KLHL35: variants seen among roughly 807,000 people sequenced by gnomAD.
KLHL35 encodes kelch like family member 35, also known as kelch-like protein 35.
A neutral mutation model predicts 44.0 loss-of-function variants in KLHL35; 50 were observed. That is an observed-to-expected ratio of 1.14 (90% CI 0.91 to 1.44). The LOEUF is 1.44. Among genes scored for constraint, KLHL35 ranks in the 40% most tolerant of loss-of-function variants. KLHL35 has a pLI of 0.00. For missense variants in KLHL35, 1,049 were observed against 887.8 expected (o/e 1.18, Z -2.31); for synonymous variants, 470 against 410.4 (o/e 1.15, Z -1.76).
In KLHL35 at chr11:75,425,498, G is replaced by GGCC; in HGVS notation, c.1266_1268dup (p.Ala425dup). Reference sequence around the variant, plus strand: ...TCACGGCCTCCGGGAGGGGCGCGGCGGCCGCCCAGGTGTTGGAGAAGGGGT... The same window carrying GGCC: ...TCACGGCCTCCGGGAGGGGCGCGGCGGCCGCCGCCCAGGTGTTGGAGAAGGGGT... On this transcript the variant is annotated inframe_insertion, in exon 5 of 7. Coordinates refer to ENST00000539798, the MANE Select transcript of KLHL35 (RefSeq NM_001039548.3). The GGCC allele has an allele frequency of 2.6e-6, 4 of 1,561,120 alleles. No homozygotes were observed. The highest frequency in any genetic ancestry group is 3.4e-6 in the Non-Finnish European group (4 of 1,161,002).
Position 75,430,195 on chromosome 11 carries a change from AAAG to A in KLHL35, c.432_434del (p.Phe145del). 8.1e-7 allele frequency: 1 copy of A among 1,241,658 alleles called. No individual in the cohort carries two copies. Among genetic ancestry groups the A allele is most frequent in the African/African-American group, 1.6e-5 (1 of 62,508 alleles). The allele number at this position is 1,241,658 out of a possible 1,614,324, so 76.9% of individuals were successfully genotyped here. ...TGGCGGCGCGCAGGCGGCCCTCGAG[AAAG>A]CGCACGCAGGCCTCGCGCAGGCCCG... On this transcript the variant is annotated inframe_deletion, in exon 2 of 7. Transcript: ENST00000539798.
In KLHL35 at chr11:75,428,472, A is replaced by C; in HGVS notation, c.1036T>G (p.Cys346Gly). ...PGYTRSEFAA[C>G]ALRNDVYVSG... ...ACGTAGACGTCATTGCGGAGAGCAC[A>C]GGCGGCGAATTCTGAGCGAGTGTAG... Residue 346 changes from cysteine to glycine, a missense_variant, in exon 3 of 7, where the codon TGT becomes GGT. Transcript: ENST00000539798. The C allele has an allele frequency of 6.2e-7, 1 of 1,612,628 alleles. No homozygotes were observed. Among genetic ancestry groups the C allele is most frequent in the Non-Finnish European group, 8.5e-7 (1 of 1,179,876 alleles).
At chr11:75,422,846 T>G in intron 6 of KLHL35, 78 bp from the exon 7 acceptor site, 1 of 1,353,880 alleles carries the variant, frequency 7.4e-7, no homozygotes, top group Non-Finnish European at 1.0e-6. Context: ...GGCCAGATAA[T>G]AGAACCTTGA....
Position 75,430,494 on chromosome 11 carries a change from G to C in KLHL35, c.136C>G (p.Arg46Gly). The C allele has an allele frequency of 7.0e-7, 1 of 1,419,500 alleles. No individual in the cohort carries two copies. The highest frequency in any genetic ancestry group is 9.2e-7 in the Non-Finnish European group (1 of 1,090,428). 87.9% of individuals were successfully genotyped at this position (1,419,500 alleles called of 1,614,324 possible). The change falls in exon 2 of 7, where the codon CGC becomes GGC. Residue 46 changes from arginine (R) to glycine (G), a missense_variant. Arg to Gly is a moderately radical substitution (Grantham distance 125, BLOSUM62 -2). Transcript: ENST00000539798. ...RSGTLTDVVL[R>G]AGGRDFPCHR... ...CACGGAAAGTCGCGCCCGCCGGCGC[G>C]CAGCACCACGTCGGTGAGGGTGCCG...
chr11:75,424,994 C>T (rs1278434928), intron 5 of KLHL35: 2 of 180,050 alleles, frequency 1.1e-5, no homozygotes, highest in Non-Finnish European at 2.3e-5. Flanking sequence ...TGTAAGGCAA[C>T]ACACCAAAAT....
rs916409945 is a variant in KLHL35, at chr11:75,426,789, T to C, written c.1067-151A>G. Reference sequence around the variant, plus strand: ...GAGCTGGTGTAAGACTCTGGACCTGTGACCCAGTGTGCTTTGAATAAGTGG... The same window carrying C: ...GAGCTGGTGTAAGACTCTGGACCTGCGACCCAGTGTGCTTTGAATAAGTGG... On this transcript the variant is annotated intron_variant, in intron 3 of 6. Transcript: ENST00000539798. The C allele has an allele frequency of 1.5e-5, 8 of 541,842 alleles. No individual in the cohort carries two copies. The African/African-American group carries it at 1.5e-4, about 10-fold the overall frequency. 33.6% of individuals were successfully genotyped at this position (541,842 alleles called of 1,614,324 possible). A position where few individuals can be genotyped will look rare whatever the true frequency, so the allele number is the denominator to read the frequency against.
chr11:75,422,728 A>G lies in KLHL35; in HGVS notation c.1604T>C (p.Ile535Thr), dbSNP rs1948459903. 6.2e-7 allele frequency: 1 copy of G among 1,613,868 alleles called. No homozygotes were observed. The highest frequency in any genetic ancestry group is 8.5e-7 in the Non-Finnish European group (1 of 1,179,866). Reference sequence around the variant, plus strand: ...TCCGCGATCATCCCGCCCGCCAAGGATGTGGACCTTCCCGTCACACACAGT... The same window carrying G: ...TCCGCGATCATCCCGCCCGCCAAGGGTGTGGACCTTCCCGTCACACACAGT... ...GVTVCDGKVH[I>T]LGGRDDRGES... The change falls in exon 7 of 7, where the codon ATC becomes ACC. Residue 535 changes from isoleucine (I) to threonine (T), a missense_variant. Transcript: ENST00000539798.
Position 75,428,569 on chromosome 11 carries a change from G to C in KLHL35, c.939C>G (p.Leu313=), listed in dbSNP as rs755580128. 1 of 1,610,002 alleles carries C rather than the reference G, an allele frequency of 6.2e-7. No homozygotes were observed. Among genetic ancestry groups the C allele is most frequent in the Non-Finnish European group, 8.5e-7 (1 of 1,178,850 alleles). The change falls in exon 3 of 7, where the codon CTC becomes CTG. Residue 313 remains leucine (L), a synonymous_variant. Coordinates refer to ENST00000539798, the MANE Select transcript of KLHL35 (RefSeq NM_001039548.3). The part of the protein sequence containing the change: ...VVIGGCDRKG[L]LKLPFADAYH... Reference sequence around the variant, plus strand: ...AGGCATCGGCGAAGGGCAGCTTCAGGAGACCTTTGCGGTCGCAACCGCCGA... The same window carrying C: ...AGGCATCGGCGAAGGGCAGCTTCAGCAGACCTTTGCGGTCGCAACCGCCGA...
chr11:75,428,700 T>G, intron 2 of KLHL35, 74 bp from the exon 3 acceptor site: 10 of 1,309,362 alleles, frequency 7.6e-6, no homozygotes, highest in Non-Finnish European at 1.0e-5. Flanking sequence ...TCGACCACAC[T>G]GCACGGTCCC....
intron 2 of KLHL35, 98 bp from the exon 3 acceptor site, chr11:75,428,724 G>T: frequency 1.8e-6 from 2 of 1,112,142 alleles, no homozygotes; most frequent in Non-Finnish European, 1.2e-6. Context: ...GCCCTTTCAT[G>T]CGTTTCTGCC....
In KLHL35 at chr11:75,428,446, G is replaced by A; in HGVS notation, c.1062C>T (p.Val354=). 3 of 1,612,368 alleles carry A rather than the reference G, an allele frequency of 1.9e-6. No homozygotes were observed. Among genetic ancestry groups the A allele is most frequent in the Non-Finnish European group, 2.5e-6 (3 of 1,179,848 alleles). ...CCGTTGCGGCTCCGCCCTCACCGGAGACGTAGACGTCATTGCGGAGAGCAC... is the reference window on the plus strand; with the variant it reads ...CCGTTGCGGCTCCGCCCTCACCGGAAACGTAGACGTCATTGCGGAGAGCAC... ...AACALRNDVY[V]SGGHINSHDV... Residue 354 remains valine, a synonymous_variant, in exon 3 of 7, where the codon GTC becomes GTT. Coordinates refer to ENST00000539798, the MANE Select transcript of KLHL35 (RefSeq NM_001039548.3).
At chr11:75,429,716 G>T (rs1189797419) in intron 2 of KLHL35, 33 bp downstream of exon 2, 3 of 1,422,444 alleles carry the variant, frequency 2.1e-6, no homozygotes, top group Admixed American at 3.1e-5. Context: ...CGGGAAGAAC[G>T]GAGGGCGGGA....
intron 1 of KLHL35, among the ~76,000 whole-genome samples, 158 bp from the exon 2 acceptor site, chr11:75,430,788 C>G (rs1439755658): frequency 6.6e-6 from 1 of 152,244 alleles, no homozygotes. Context: ...GTGCCCCAGC[C>G]CCGCCTCACC....
At chr11:75,425,715 C>T in intron 4 of KLHL35, 134 bp from the exon 5 acceptor site, 1 of 814,504 alleles carries the variant, frequency 1.2e-6, no homozygotes, top group Non-Finnish European at 1.7e-6. Context: ...CAAACTGACC[C>T]CCGAGCCCAG....
Position 75,430,154 on chromosome 11 carries a change from C to T in KLHL35, c.476G>A (p.Arg159His). The T allele has an allele frequency of 8.0e-7, 1 of 1,251,752 alleles. No homozygotes were observed. The allele number at this position is 1,251,752 out of a possible 1,614,324, so 77.5% of individuals were successfully genotyped here. The change falls in exon 2 of 7, where the codon CGC (arginine) becomes CAC (histidine). Residue 159 changes from arginine (R) to histidine (H), a missense_variant. By Grantham distance (29) the Arg-to-His change is conservative. Transcript: ENST00000539798. Reference sequence around the variant, plus strand: ...CAGCGAGAAGGCGGCGGCCACGCGGCGCAGCGCTAGGCTGTTGGCGGCGCG... The same window carrying T: ...CAGCGAGAAGGCGGCGGCCACGCGGTGCAGCGCTAGGCTGTTGGCGGCGCG... ...RLRAANSLAL[R>H]RVAAAFSLAP...
chr11:75,422,538 G>A lies in KLHL35; in HGVS notation c.*42C>T, dbSNP rs932023760. On this transcript the variant is annotated 3_prime_UTR_variant, in exon 7 of 7. Transcript: ENST00000539798. Reference sequence around the variant, plus strand: ...GGAGCAGAGTGTGCATCTGAGCTCCGCCTGCCTCTCCGCCTCCTGGCTCAG... The same window carrying A: ...GGAGCAGAGTGTGCATCTGAGCTCCACCTGCCTCTCCGCCTCCTGGCTCAG... The A allele has an allele frequency of 8.2e-6, 13 of 1,585,924 alleles. No individual in the cohort carries two copies. The highest frequency in any genetic ancestry group is 2.7e-5 in the African/African-American group (2 of 74,516).
rs758850307 is a variant in KLHL35, at chr11:75,425,558, G to A, written c.1209C>T (p.Asp403=). 5 of 1,487,392 alleles carry A rather than the reference G, an allele frequency of 3.4e-6. No homozygotes were observed. The highest frequency in any genetic ancestry group is 4.4e-6 in the Non-Finnish European group (5 of 1,125,872). 92.1% of individuals were successfully genotyped at this position (1,487,392 alleles called of 1,614,324 possible). ...CCACGCTGTGCAGGCGCCTCAGGCC[G>A]TCGAAGCCACCCACCGCGAACAGCT... ...QGQLFAVGGF[D]GLRRLHSVER... The change falls in exon 5 of 7, where the codon GAC becomes GAT. Residue 403 remains aspartate, a synonymous_variant. Coordinates refer to ENST00000539798, the MANE Select transcript of KLHL35 (RefSeq NM_001039548.3).
rs1277295291 is a variant in KLHL35 at position 75,429,760 on chromosome 11, G to C, written c.870C>G (p.Thr290=). ...GATGGCGGCCCTACCTCCGCGGCCG[G>C]GTCCGCAGCGCACCGGCCTCGCGGC... ...ILGREAGALR[T]RPRRFMDLAE... Residue 290 remains threonine (T), a synonymous_variant, in exon 2 of 7, where the codon ACC becomes ACG. Transcript: ENST00000539798. 6.8e-7 allele frequency: 1 copy of C among 1,480,486 alleles called. No individual in the cohort carries two copies. Among genetic ancestry groups the C allele is most frequent in the South Asian group, 1.3e-5 (1 of 78,136 alleles). 91.7% of individuals were successfully genotyped at this position (1,480,486 alleles called of 1,614,324 possible).
rs1021529124 is a variant in KLHL35 at position 75,430,735 on chromosome 11, C to T, written c.-1-105G>A. On this transcript the variant is annotated intron_variant, in intron 1 of 6. Transcript: ENST00000539798. ...TTTCCTCTCTTGACCATTTGTTCAG[C>T]GACTCTCCCCTCCGTTCAGCATCCA... 1.4e-5 allele frequency: 14 copies of T among 983,568 alleles called. 1 individual carries two copies. The highest frequency in any genetic ancestry group is 1.3e-4 in the Admixed American group (3 of 23,222). 60.9% of individuals were successfully genotyped at this position (983,568 alleles called of 1,614,324 possible). A position where few individuals can be genotyped will look rare whatever the true frequency, so the allele number is the denominator to read the frequency against.
Sources: gnomAD v4.1 joint callset for allele counts (sites outside exome capture counted in the v4.1 genomes callset) on GRCh38, gnomAD v4.1.1 for gene constraint, MANE v1.5 for transcripts, NCBI Gene and HGNC (gene_info 2026-07-23, HGNC 2026-07-21) for gene names.